Variants in CSMD2 observed in about 807,000 individuals in gnomAD.
The protein encoded by CSMD2 is CUB and sushi domain-containing protein 2.
Under a neutral mutation model 398.5 loss-of-function variants are expected in CSMD2, and 130 were observed. The observed-to-expected ratio is 0.33, with a 90% CI of 0.28 to 0.38. The LOEUF (loss-of-function observed/expected upper bound fraction) is 0.38. Ranked by LOEUF, CSMD2 falls within the 10% of genes least tolerant of loss-of-function variation. The pLI, the probability that CSMD2 is intolerant of heterozygous loss-of-function variation, is 1.00. For synonymous variants in CSMD2, 1,828 were observed against 1,908.5 expected, an observed-to-expected ratio of 0.96 and a Z score of 1.10; for missense variants, 3,829 against 4,764.9, an observed-to-expected ratio of 0.80 and a Z score of 5.78.
intron 32 of CSMD2, among the ~76,000 whole-genome samples, chr1:33,629,850 C>T (rs1018042615): frequency 6.6e-6 from 1 of 151,908 alleles, no homozygotes; most frequent in African/African-American, 2.4e-5. Context: ...TCAAGTGATT[C>T]TCCTGCCTCA....
intron 25 of CSMD2, among the ~76,000 whole-genome samples, chr1:33,685,129 C>G (rs1461888021): frequency 1.3e-5 from 2 of 152,182 alleles, no homozygotes; most frequent in Non-Finnish European, 1.5e-5. Flanking sequence ...TTCCTCTTCC[C>G]TCTTCTTTTA....
chr1:33,549,174 G>T (rs1657184146), intron 56 of CSMD2, among the ~76,000 whole-genome samples: 1 of 152,202 alleles, frequency 6.6e-6, no homozygotes, highest in Non-Finnish European at 1.5e-5. Context: ...ATGTCAAACT[G>T]CAAGAACAGT....
rs535981234 is a variant in CSMD2 at position 34,087,346 on chromosome 1, T to A, written c.404+1631A>T. ...GGGACATGGATGAAGCTGGAAACCA[T>A]CATCCTCAGCAAACTAACACAGGAA... On this transcript the variant is annotated intron_variant, in intron 2 of 70. Transcript: ENST00000373381. 5.3e-5 allele frequency among the ~76,000 whole-genome samples: 8 copies of A among 151,980 alleles called. No individual in the cohort carries two copies. The East Asian group carries it at 1.6e-3, about 30-fold the overall frequency.
chr1:33,789,672 G>C (rs1412085750), intron 11 of CSMD2, among the ~76,000 whole-genome samples: 1 of 152,226 alleles, frequency 6.6e-6, no homozygotes, highest in South Asian at 2.1e-4. Flanking sequence ...GGAGGCTGTT[G>C]AGTCAGCTGC....
At chr1:33,992,229 G>A (rs896197717) in intron 3 of CSMD2, among the ~76,000 whole-genome samples, 4 of 152,042 alleles carry the variant, frequency 2.6e-5, no homozygotes, top group African/African-American at 7.2e-5. Flanking sequence ...ACAGACATTC[G>A]TATATAAGCT....
At chr1:34,062,364 C>T (rs1049730469) in intron 2 of CSMD2, among the ~76,000 whole-genome samples, 24 of 152,186 alleles carry the variant, frequency 1.6e-4, no homozygotes, top group African/African-American at 5.6e-4. Flanking sequence ...CAGGGGTGTC[C>T]ATGGTACACA....
intron 5 of CSMD2, among the ~76,000 whole-genome samples, chr1:33,911,615 T>A (rs1208147537): frequency 1.3e-5 from 2 of 152,160 alleles, no homozygotes; most frequent in Non-Finnish European, 2.9e-5. Flanking sequence ...AAAGGAGGGA[T>A]GAAATTAAGG....
At chr1:33,788,216 A>G (rs2124843691) in intron 12 of CSMD2, among the ~76,000 whole-genome samples, 1 of 152,248 alleles carries the variant, frequency 6.6e-6, no homozygotes, top group African/African-American at 2.4e-5. Context: ...GGGGAGAACC[A>G]GGATCCCGTG....
chr1:34,092,687 T>C (rs2148380352), intron 1 of CSMD2, among the ~76,000 whole-genome samples: 1 of 152,194 alleles, frequency 6.6e-6, no homozygotes, highest in African/African-American at 2.4e-5. Flanking sequence ...ACCCGAATAC[T>C]GCGCTTTTCC....
chr1:33,980,166 A>G (rs1245717420), intron 3 of CSMD2, among the ~76,000 whole-genome samples: 1 of 152,164 alleles, frequency 6.6e-6, no homozygotes, highest in East Asian at 1.9e-4. Flanking sequence ...AAATAAAGAT[A>G]TAAGGAACCT....
chr1:34,123,436 C>A (rs1400320120), intron 1 of CSMD2, among the ~76,000 whole-genome samples: 2 of 152,192 alleles, frequency 1.3e-5, no homozygotes, highest in East Asian at 3.8e-4. Context: ...TCATCTGTAT[C>A]CTTTGTATAT....
At chr1:34,044,984 C>T (rs1267476515) in intron 2 of CSMD2, among the ~76,000 whole-genome samples, 2 of 151,682 alleles carry the variant, frequency 1.3e-5, no homozygotes, top group Non-Finnish European at 2.9e-5. Flanking sequence ...TCATTACAGG[C>T]ATCATCTAGT....
At chr1:33,740,296 CTATTTTCACCCCGAAGCCAGGCT>C (rs1647016482) in intron 14 of CSMD2, among the ~76,000 whole-genome samples, 1 of 71,726 alleles carries the variant, frequency 1.4e-5, no homozygotes, top group African/African-American at 1.6e-4. Flanking sequence ...AAGCCAGGCT[CTATTTTCACCCCGAAGCCAGGCT>C]CTATTTTCAC....
chr1:33,559,555 T>G lies in CSMD2; in HGVS notation c.8381-82A>C. 34 of 1,258,520 alleles carry G rather than the reference T, an allele frequency of 2.7e-5. No homozygotes were observed. The highest frequency in any genetic ancestry group is 3.3e-5 in the Non-Finnish European group (30 of 905,634). 78.0% of individuals were successfully genotyped at this position (1,258,520 alleles called of 1,614,324 possible). ...TTATCCACCTCTCACCTGGCATCTCTTAGGCCATCAGTGAAGTTCAGCCCT... is the reference window on the plus strand; with the variant it reads ...TTATCCACCTCTCACCTGGCATCTCGTAGGCCATCAGTGAAGTTCAGCCCT... On this transcript the variant is annotated intron_variant, in intron 53 of 70. Coordinates refer to ENST00000373381, the MANE Select transcript of CSMD2 (RefSeq NM_001281956.2). This position sits in a 1 kb window ranked among gnomAD's most constrained non-coding sequence, Gnocchi z 4.0.
At position 33,559,313 on chromosome 1, in the gene CSMD2, C is replaced by T; in HGVS notation, c.8541G>A (p.Leu2847=). 6.5e-7 allele frequency: 1 copy of T among 1,535,220 alleles called. No homozygotes were observed. ...AGGGTGACTCACTTCTGCAGGTGGG[C>T]AGCATGTCACTCCATTGCCCGCTGG... is the stretch of plus-strand genomic sequence containing the variant. ...CLASGQWSDM[L]PTCRIINCTD... is the part of the protein sequence containing the mutation. Residue 2847 remains leucine (L), a synonymous_variant, in exon 54 of 71, where the codon CTG becomes CTA. Coordinates refer to ENST00000373381, the MANE Select transcript of CSMD2 (RefSeq NM_001281956.2). The surrounding 1 kb of genome is among the most constrained non-coding windows in gnomAD (Gnocchi z 4.0).
At chr1:34,150,283 C>T (rs1470984093) in intron 1 of CSMD2, among the ~76,000 whole-genome samples, 4 of 152,018 alleles carry the variant, frequency 2.6e-5, no homozygotes. Flanking sequence ...CAGGGTATTA[C>T]TATGCTGCCC....
At chr1:33,879,250 C>A (rs972515855) in intron 5 of CSMD2, among the ~76,000 whole-genome samples, 1 of 152,130 alleles carries the variant, frequency 6.6e-6, no homozygotes, top group Non-Finnish European at 1.5e-5. Context: ...TGCTGTCCTC[C>A]CCACCACCTC....
rs908585395 is a variant in CSMD2, at chr1:33,514,787, C to T, written c.*1837G>A. 1.3e-5 allele frequency: 2 copies of T among 152,166 alleles called. No individual in the cohort carries two copies. The highest frequency in any genetic ancestry group is 2.9e-5 in the Non-Finnish European group (2 of 68,144). The allele number at this position is 152,166 out of a possible 1,614,324, so 9.4% of individuals were successfully genotyped here. A position where few individuals can be genotyped will look rare whatever the true frequency, so the allele number is the denominator to read the frequency against. ...TCCAGGCCCAGGGGGGTGCCGTGTC[C>T]CAGAGGTGGTGTGGCCAGGGGTAGG... is the stretch of plus-strand genomic sequence containing the variant. On this transcript the variant is annotated 3_prime_UTR_variant, in exon 71 of 71. Coordinates refer to ENST00000373381, the MANE Select transcript of CSMD2 (RefSeq NM_001281956.2).
chr1:34,083,234 T>G (rs919801702), intron 2 of CSMD2, among the ~76,000 whole-genome samples: 2 of 152,072 alleles, frequency 1.3e-5, no homozygotes, highest in Admixed American at 1.3e-4. Context: ...GCATGGAAAA[T>G]GCTGCTAGGA....
Sources: allele counts gnomAD v4.1 joint callset (sites outside exome capture counted in the v4.1 genomes callset), GRCh38; gene constraint gnomAD v4.1.1; non-coding constraint Gnocchi (gnomAD v3.1); transcripts MANE v1.5; gene names NCBI Gene and HGNC (gene_info 2026-07-23, HGNC 2026-07-21).